DLC1: variants seen among roughly 807,000 people sequenced by gnomAD.
DLC1 encodes rho GTPase-activating protein 7.
In DLC1, 54 loss-of-function variants were observed where a neutral mutation model predicts 140.3. The observed-to-expected ratio is 0.38, with a 90% CI of 0.31 to 0.48. The LOEUF is 0.48. Among genes scored for constraint, DLC1 ranks in the 20% least tolerant of loss-of-function variants. The pLI is 0.96. For missense variants in DLC1, 2,536 were observed against 1,907.0 expected (o/e 1.33, Z -6.14); for synonymous variants, 986 against 728.1 (o/e 1.35, Z -5.70).
At chr8:13,389,951 A>G (rs1263975360) in intron 4 of DLC1, among the ~76,000 whole-genome samples, 1 of 152,120 alleles carries the variant, frequency 6.6e-6, no homozygotes, top group African/African-American at 2.4e-5. Flanking sequence ...TAAAATTAAA[A>G]CTTTTGTTCA....
intron 1 of DLC1, among the ~76,000 whole-genome samples, chr8:13,586,516 G>A (rs1805317583): frequency 6.6e-6 from 1 of 151,302 alleles, no homozygotes; most frequent in Non-Finnish European, 1.5e-5. Context: ...TGGTAGATAG[G>A]TTAGTAACTG....
intron 4 of DLC1, among the ~76,000 whole-genome samples, chr8:13,336,718 A>T (rs1398366074): frequency 1.3e-5 from 2 of 152,234 alleles, no homozygotes; most frequent in African/African-American, 4.8e-5. Context: ...AGAACAGTAC[A>T]TGTAGGGTTG....
chr8:13,412,987 G>A (rs984699286), intron 2 of DLC1, among the ~76,000 whole-genome samples: 9 of 151,276 alleles, frequency 5.9e-5, no homozygotes, highest in East Asian at 1.9e-4. Context: ...CATGTGCTAG[G>A]GTTCATGTTT....
intron 5 of DLC1, among the ~76,000 whole-genome samples, chr8:13,267,271 A>T (rs1586037766): frequency 6.6e-6 from 1 of 152,300 alleles, no homozygotes; most frequent in South Asian, 2.1e-4. Context: ...TTTTAAATAT[A>T]GCATATTCTA....
At chr8:13,176,960 C>A (rs1825790747) in intron 5 of DLC1, among the ~76,000 whole-genome samples, 1 of 152,154 alleles carries the variant, frequency 6.6e-6, no homozygotes, top group Non-Finnish European at 1.5e-5. Context: ...GAGCTGGGAA[C>A]AGCAAGGAGA....
rs142582713 is a variant in DLC1, at chr8:13,359,319, G to T, written c.1314+34234C>A. Reference sequence around the variant, plus strand: ...TAAGCTGATTCGGAATTCCTTATTTGTATCCTTAACCCATCAATTTGGCTT... The same window carrying T: ...TAAGCTGATTCGGAATTCCTTATTTTTATCCTTAACCCATCAATTTGGCTT... On this transcript the variant is annotated intron_variant, in intron 4 of 17. Transcript: ENST00000276297. 7.2e-5 allele frequency among the ~76,000 whole-genome samples: 11 copies of T among 152,148 alleles called. No homozygotes were observed. In the East Asian group the frequency reaches 2.1e-3, roughly 29 times the overall value.
chr8:13,249,031 C>G (rs1353945443), intron 5 of DLC1, among the ~76,000 whole-genome samples: 1 of 152,156 alleles, frequency 6.6e-6, no homozygotes, highest in East Asian at 1.9e-4. Context: ...CTTTCCATTC[C>G]TCAGTGATGC....
At chr8:13,130,834 A>G (rs1321212738) in intron 5 of DLC1, among the ~76,000 whole-genome samples, 1 of 152,228 alleles carries the variant, frequency 6.6e-6, no homozygotes, top group African/African-American at 2.4e-5. Context: ...GTGTAAATTA[A>G]AATAAAATAA....
intron 1 of DLC1, among the ~76,000 whole-genome samples, chr8:13,597,527 GTTAAA>G (rs1004808436): frequency 3.3e-5 from 5 of 151,956 alleles, no homozygotes; most frequent in Admixed American, 3.3e-4. Flanking sequence ...ACCCTTTTGA[GTTAAA>G]TTAAAGCTAG....
At chr8:13,219,156 ATATGAATATAACTATATAATT>A (rs1828403301) in intron 5 of DLC1, among the ~76,000 whole-genome samples, 1 of 57,154 alleles carries the variant, frequency 1.7e-5, no homozygotes, top group Non-Finnish European at 3.4e-5. Flanking sequence ...TTATATAATT[ATATGAATATAACTATATAATT>A]ATATGAATAT....
rs999659469 is a variant in DLC1, at chr8:13,105,390, C to T, written c.1503-2537G>A. 2.6e-5 allele frequency among the ~76,000 whole-genome samples: 4 copies of T among 152,164 alleles called. 1 individual carries two copies. Among genetic ancestry groups the T allele is most frequent in the Admixed American group, 2.0e-4 (3 of 15,280 alleles). ...GTTCCAGCTACACAAACGAGGCCTA[C>T]TGCGGGCCAGGCACTATGCTAGGCA... is the stretch of plus-strand genomic sequence containing the variant. On this transcript the variant is annotated intron_variant, in intron 7 of 17. Coordinates refer to ENST00000276297, the MANE Select transcript of DLC1 (RefSeq NM_182643.3).
chr8:13,365,940 C>T (rs988684927), intron 4 of DLC1, among the ~76,000 whole-genome samples: 1 of 152,154 alleles, frequency 6.6e-6, no homozygotes. Flanking sequence ...AAAATGCTTT[C>T]ATCTTCCGCA....
At chr8:13,332,139 C>T (rs74302486) in intron 4 of DLC1, among the ~76,000 whole-genome samples, 11,316 of 152,190 alleles carry the variant, frequency 0.074, 487 homozygotes, top group South Asian at 0.094. Flanking sequence ...CTTAATGCCC[C>T]TTTAAATTAA....
intron 5 of DLC1, among the ~76,000 whole-genome samples, chr8:13,211,539 G>T (rs1827944244): frequency 6.6e-6 from 1 of 152,214 alleles, no homozygotes; most frequent in African/African-American, 2.4e-5. Flanking sequence ...TCAGCTGGGT[G>T]TGGGGAAGAC....
rs1554539627 is a variant in DLC1 at position 13,533,253 on chromosome 8, T to TG, written c.-125-33058_-125-33057insC. The stretch of plus-strand genomic sequence containing the variant: ...TGAGTAGAATAATCGTTGTTTTTTT[T>TG]TGTGTTTTCTAATTTTGAGTATTTC... On this transcript the variant is annotated intron_variant, in intron 1 of 1. Coordinates refer to the DLC1 transcript ENST00000631382. Among the ~76,000 whole-genome samples, 679 of 152,258 alleles carry TG rather than the reference T, an allele frequency of 4.5e-3. 1 individual carries two copies. The highest frequency in any genetic ancestry group is 0.015 in the African/African-American group (637 of 41,532).
At chr8:13,158,458 T>A (rs1291934144) in intron 5 of DLC1, among the ~76,000 whole-genome samples, 1 of 152,200 alleles carries the variant, frequency 6.6e-6, no homozygotes, top group Non-Finnish European at 1.5e-5. Flanking sequence ...GTGACGCCTA[T>A]GAAAACAAAG....
chr8:13,407,408 A>T (rs778462349), intron 2 of DLC1, among the ~76,000 whole-genome samples: 39 of 152,210 alleles, frequency 2.6e-4, no homozygotes, highest in Non-Finnish European at 4.0e-4. Context: ...ACTGAACAGC[A>T]CAAACACAGC....
intron 2 of DLC1, among the ~76,000 whole-genome samples, chr8:13,491,890 A>G (rs1218191430): frequency 6.6e-6 from 1 of 152,216 alleles, no homozygotes; most frequent in East Asian, 1.9e-4. Context: ...CACAACGAAG[A>G]CATGCATTCG....
At chr8:13,252,295 A>G (rs11998187) in intron 5 of DLC1, among the ~76,000 whole-genome samples, 35,527 of 152,080 alleles carry the variant, frequency 0.23, 4,310 homozygotes, top group South Asian at 0.34. Context: ...TGATGGGTAA[A>G]GAGAGGAGTA....
Sources: allele counts gnomAD v4.1 joint callset (sites outside exome capture counted in the v4.1 genomes callset), GRCh38; gene constraint gnomAD v4.1.1; transcripts MANE v1.5; gene names NCBI Gene and HGNC (gene_info 2026-07-23, HGNC 2026-07-21).